Variants in ELFN1 observed in about 807,000 individuals in gnomAD.
ELFN1 encodes protein ELFN1.
Under a neutral mutation model 7.6 loss-of-function variants are expected in ELFN1, and 6 were observed. The ratio of observed to expected loss-of-function variants is 0.79; its 90% confidence interval spans 0.43 to 1.56. The LOEUF (loss-of-function observed/expected upper bound fraction) is 1.56, where lower values mean the gene tolerates loss of function less well. Among genes scored for constraint, ELFN1 ranks in the 40% most tolerant of loss-of-function variants. The pLI, the probability that ELFN1 is intolerant of heterozygous loss-of-function variation, is 0.01. For missense variants in ELFN1, 1,169 were observed against 1,232.2 expected (o/e 0.95, Z 0.77); for synonymous variants, 657 against 588.1 (o/e 1.12, Z -1.70).
At chr7:1,720,205 C>G (rs1779977124) in intron 3 of ELFN1, among the ~76,000 whole-genome samples, 2 of 152,250 alleles carry the variant, frequency 1.3e-5, no homozygotes, top group South Asian at 4.1e-4. Context: ...CCCAGGGAAG[C>G]CACTATCCTT....
chr7:1,697,251 TA>T (rs1435731683), intron 2 of ELFN1, among the ~76,000 whole-genome samples: 2 of 152,060 alleles, frequency 1.3e-5, no homozygotes, highest in Non-Finnish European at 2.9e-5. Context: ...CTCACGCCCA[TA>T]TTCCCATCCA....
intron 3 of ELFN1, among the ~76,000 whole-genome samples, chr7:1,736,303 TC>T (rs1409836264): frequency 6.6e-6 from 1 of 152,048 alleles, no homozygotes; most frequent in Non-Finnish European, 1.5e-5. Context: ...CGCCCACCTT[TC>T]CCCCTGGAGC....
chr7:1,714,488 A>G (rs1345551041), intron 3 of ELFN1, among the ~76,000 whole-genome samples: 2 of 152,252 alleles, frequency 1.3e-5, no homozygotes, highest in Non-Finnish European at 2.9e-5. Context: ...GAAGATTTAT[A>G]GCACTACTAC....
chr7:1,721,176 A>T (rs572009435), intron 3 of ELFN1, among the ~76,000 whole-genome samples: 429 of 152,342 alleles, frequency 2.8e-3, no homozygotes, highest in African/African-American at 9.9e-3. Flanking sequence ...AGCAACTTGC[A>T]CTGGGGGAGG....
At chr7:1,694,859 TC>T in intron 2 of ELFN1, among the ~76,000 whole-genome samples, 1 of 152,314 alleles carries the variant, frequency 6.6e-6, no homozygotes, top group South Asian at 2.1e-4. Flanking sequence ...TTTCTTGATC[TC>T]CACTGCTATT....
chr7:1,687,219 G>A (rs1025217813), intron 1 of ELFN1, among the ~76,000 whole-genome samples: 2 of 152,154 alleles, frequency 1.3e-5, no homozygotes, highest in African/African-American at 2.4e-5. Flanking sequence ...ATGAATGAAG[G>A]CCTTTGGTTA....
At chr7:1,670,001 G>A (rs1778731291), upstream of ELFN1, among the ~76,000 whole-genome samples, 1 of 151,750 alleles carries the variant, frequency 6.6e-6, no homozygotes, top group African/African-American at 2.4e-5. The surrounding 1 kb of genome is among the most constrained non-coding windows in gnomAD (Gnocchi z 6.4). Context: ...GAGAGGGAAG[G>A]AGCGGGTTGC....
At chr7:1,712,493 G>T (rs1339964252) in intron 3 of ELFN1, among the ~76,000 whole-genome samples, 1 of 151,242 alleles carries the variant, frequency 6.6e-6, no homozygotes, top group East Asian at 2.0e-4. Context: ...GTGCAATGGT[G>T]CAATCTCGGC....
intron 2 of ELFN1, chr7:1,693,635 C>A (rs1395097242): frequency 4.2e-6 from 2 of 471,120 alleles, no homozygotes; most frequent in Admixed American, 4.7e-5. Context: ...GGTGCCCAGT[C>A]CGTGTGAACA....
chr7:1,693,607 TGTGTGAACACCTCCGGCGGTGCCCAGTCC>T (rs1429841473), intron 2 of ELFN1: 2 of 471,236 alleles, frequency 4.2e-6, no homozygotes, highest in Non-Finnish European at 8.8e-6. Flanking sequence ...TGTACACCGC[TGTGTGAACACCTCCGGCGGTGCCCAGTCC>T]GTGTGAACAC....
chr7:1,722,624 G>A (rs960592751), intron 3 of ELFN1, among the ~76,000 whole-genome samples: 3 of 151,944 alleles, frequency 2.0e-5, no homozygotes, highest in African/African-American at 7.3e-5. Context: ...ACCGTCTCTG[G>A]TGTCCTGCCT....
intron 3 of ELFN1, among the ~76,000 whole-genome samples, chr7:1,741,853 C>G (rs1245336235): frequency 6.6e-6 from 1 of 152,194 alleles, no homozygotes; most frequent in South Asian, 2.1e-4. Context: ...GCCTCGCTGC[C>G]CAGACAGGGG....
At chr7:1,732,990 T>C (rs1219755817) in intron 3 of ELFN1, among the ~76,000 whole-genome samples, 1 of 152,124 alleles carries the variant, frequency 6.6e-6, no homozygotes, top group Non-Finnish European at 1.5e-5. Context: ...AAGCTCTGCC[T>C]CCTGGGTTCA....
At chr7:1,721,591 G>A (rs899798421) in intron 3 of ELFN1, among the ~76,000 whole-genome samples, 3 of 152,154 alleles carry the variant, frequency 2.0e-5, no homozygotes. Flanking sequence ...AGCTTCTCAC[G>A]GGCACCATTT....
At chr7:1,668,323 GCAGGCGCCCAGCACAGCGCA>G (rs1778702613), upstream of ELFN1, among the ~76,000 whole-genome samples, 1 of 152,254 alleles carries the variant, frequency 6.6e-6, no homozygotes, top group South Asian at 2.1e-4. Context: ...GCTCCTCCGG[GCAGGCGCCCAGCACAGCGCA>G]GGGCACACGG....
intron 2 of ELFN1, among the ~76,000 whole-genome samples, chr7:1,688,386 AT>A (rs1290758888): frequency 6.6e-6 from 1 of 152,158 alleles, no homozygotes; most frequent in Non-Finnish European, 1.5e-5. Context: ...CTGTTAGCTT[AT>A]AAAGAAATCT....
intron 3 of ELFN1, among the ~76,000 whole-genome samples, chr7:1,714,780 G>C (rs771383675): frequency 2.0e-5 from 3 of 152,202 alleles, no homozygotes; most frequent in Non-Finnish European, 2.9e-5. Flanking sequence ...ATTTTATGCT[G>C]TGTCAGCTAG....
chr7:1,731,187 A>G (rs1380414998), intron 3 of ELFN1, among the ~76,000 whole-genome samples: 2 of 152,224 alleles, frequency 1.3e-5, no homozygotes, highest in African/African-American at 4.8e-5. Flanking sequence ...GAGTGGTGAG[A>G]TGTGCCGTGT....
At position 1,745,411 on chromosome 7, in the gene ELFN1, C is replaced by A; in HGVS notation, c.815C>A (p.Pro272Gln). The A allele has an allele frequency of 6.5e-7, 1 of 1,539,100 alleles. No homozygotes were observed. Reference sequence around the variant, plus strand: ...CGTCCAGCATCCGGGCGCTCACAGCCGGGCCGCTCCCCGCCGCCCCCGCCT... The same window carrying A: ...CGTCCAGCATCCGGGCGCTCACAGCAGGGCCGCTCCCCGCCGCCCCCGCCT... ...PPRPASGRSQ[P>Q]GRSPPPPPPP... The change falls in exon 4 of 4, where the codon CCG becomes CAG. Residue 272 changes from proline (P) to glutamine (Q), a missense_variant. By Grantham distance (76) the Pro-to-Gln change is moderately conservative (BLOSUM62 -1). Transcript: ENST00000424383.
Sources: gnomAD v4.1 joint callset for allele counts (sites outside exome capture counted in the v4.1 genomes callset) on GRCh38, gnomAD v4.1.1 for gene constraint, Gnocchi (gnomAD v3.1) non-coding constraint, MANE v1.5 for transcripts, NCBI Gene and HGNC (gene_info 2026-07-23, HGNC 2026-07-21) for gene names.